GRIK4: variants seen among roughly 807,000 people sequenced by gnomAD.
GRIK4 encodes glutamate receptor ionotropic, kainate 4.
GRIK4 carries 40 observed loss-of-function variants against 104.9 expected under a neutral mutation model. The ratio of observed to expected loss-of-function variants is 0.38; its 90% CI spans 0.30 to 0.50. GRIK4 has a LOEUF of 0.50. Among genes scored for constraint, GRIK4 ranks in the 20% least tolerant of loss-of-function variants. The pLI is 0.93. For synonymous variants in GRIK4, 485 were observed against 524.9 expected (o/e 0.92, Z 1.04); for missense variants, 1,047 against 1,308.1 (o/e 0.80, Z 3.08).
At chr11:120,672,054 A>C (rs1950027237) in intron 3 of GRIK4, among the ~76,000 whole-genome samples, 1 of 152,200 alleles carries the variant, frequency 6.6e-6, no homozygotes. Context: ...GAAGTCACAT[A>C]GTGTGATGCC....
In GRIK4 at chr11:120,956,753, C is replaced by T. The variant is rs1449400212; in HGVS notation, c.1701-27C>T. 1 of 1,491,598 alleles carries T rather than the reference C, an allele frequency of 6.7e-7. No homozygotes were observed. The allele number at this position is 1,491,598 out of a possible 1,614,324, so 92.4% of individuals were successfully genotyped here. ...CCCTTCACACCCCGCCTCTGTGGCA[C>T]TAGTGTATGTTCCTTTTCTCCCACA... is the stretch of plus-strand genomic sequence containing the variant. On this transcript the variant is annotated intron_variant, in intron 15 of 20. Coordinates refer to ENST00000527524, the MANE Select transcript of GRIK4 (RefSeq NM_014619.5). The surrounding 1 kb of genome is among the most constrained non-coding windows in gnomAD (Gnocchi z 4.6).
chr11:120,722,662 A>T (rs1315110815), intron 3 of GRIK4, among the ~76,000 whole-genome samples: 2 of 151,956 alleles, frequency 1.3e-5, no homozygotes, highest in Non-Finnish European at 2.9e-5. Context: ...ATCTTGATGC[A>T]GTCTGGAAGG....
chr11:120,663,760 ATCT>A (rs1410542358), intron 3 of GRIK4, among the ~76,000 whole-genome samples: 1 of 151,944 alleles, frequency 6.6e-6, no homozygotes, highest in Non-Finnish European at 1.5e-5. Flanking sequence ...CTCCCGTTTC[ATCT>A]TCTCTGCCTG....
chr11:120,641,835 G>A (rs1949475376), intron 1 of GRIK4, among the ~76,000 whole-genome samples: 1 of 152,220 alleles, frequency 6.6e-6, no homozygotes, highest in South Asian at 2.1e-4. Flanking sequence ...ATGCAGCCCA[G>A]TAGGTCTCAG....
At position 120,832,058 on chromosome 11, in the gene GRIK4, C is replaced by T. The variant is rs750126115; in HGVS notation, c.690+28C>T. On this transcript the variant is annotated intron_variant, in intron 7 of 20. Coordinates refer to ENST00000527524, the MANE Select transcript of GRIK4 (RefSeq NM_014619.5). ...GGGAGCCTCCCTCTCTCCCCCACCC[C>T]CTGCTGAGCTCCACCCTCCCCCCTC... 4.6e-6 allele frequency: 7 copies of T among 1,527,102 alleles called. No homozygotes were observed. The East Asian group carries it at 6.9e-5, about 15-fold the overall frequency. 94.6% of individuals were successfully genotyped at this position (1,527,102 alleles called of 1,614,324 possible).
rs1436337826 is a variant in GRIK4, at chr11:120,889,588, CATTTTTTT to C, written c.1165-8943_1165-8936del. ...AATAGAATAAAATAGAAAGAGCTTA[CATTTTTTT>C]TTTTTTTTTTTTTTTTTTTTTTTAT... On this transcript the variant is annotated intron_variant, in intron 11 of 20. Transcript: ENST00000527524. 1.4e-3 allele frequency among the ~76,000 whole-genome samples: 96 copies of C among 67,144 alleles called. 5 individuals are homozygous for C. Among genetic ancestry groups the C allele is most frequent in the African/African-American group, 4.4e-3 (83 of 18,862 alleles). 44.0% of individuals were successfully genotyped at this position (67,144 alleles called of 152,430 possible).
chr11:120,572,278 G>A (rs1276109106), intron 1 of GRIK4, among the ~76,000 whole-genome samples: 2 of 152,272 alleles, frequency 1.3e-5, no homozygotes, highest in Admixed American at 1.3e-4. Flanking sequence ...GGGGTAAGAC[G>A]TTCAACACCG....
At chr11:120,750,570 T>C (rs1951532642) in intron 3 of GRIK4, among the ~76,000 whole-genome samples, 3 of 152,084 alleles carry the variant, frequency 2.0e-5, no homozygotes, top group Non-Finnish European at 4.4e-5. Context: ...GGTTTTGCCA[T>C]GTTGGCCAGG....
chr11:120,668,093 A>AGGTAGATG lies in GRIK4; in HGVS notation c.82+7694_82+7695insGTAGATGG, dbSNP rs1462502224. Among the ~76,000 whole-genome samples, 456 of 142,380 alleles carry AGGTAGATG rather than the reference A, an allele frequency of 3.2e-3. 4 individuals are homozygous for AGGTAGATG. Among genetic ancestry groups the AGGTAGATG allele is most frequent in the African/African-American group, 0.011 (430 of 37,772 alleles). 93.4% of individuals were successfully genotyped at this position (142,380 alleles called of 152,430 possible). A position where few individuals can be genotyped will look rare whatever the true frequency, so the allele number is the denominator to read the frequency against. Reference sequence around the variant, plus strand: ...GTGAGACCCTGTCTCATAGATGGATAGATAGATGGATAGATAGATAGATAG... The same window carrying AGGTAGATG: ...GTGAGACCCTGTCTCATAGATGGATAGGTAGATGGATAGATGGATAGATAGATAGATAG... On this transcript the variant is annotated intron_variant, in intron 3 of 20. Transcript: ENST00000527524.
At chr11:120,913,100 T>C (rs866174376) in intron 13 of GRIK4, among the ~76,000 whole-genome samples, 7 of 152,186 alleles carry the variant, frequency 4.6e-5, no homozygotes, top group African/African-American at 1.7e-4. Context: ...GGTATTATTA[T>C]CCCCATTTTA....
At chr11:120,934,359 A>C (rs1027446129) in intron 13 of GRIK4, among the ~76,000 whole-genome samples, 1 of 152,108 alleles carries the variant, frequency 6.6e-6, no homozygotes, top group Non-Finnish European at 1.5e-5. Flanking sequence ...ATGCTCCCAG[A>C]TCTGGTATTG....
chr11:120,742,410 A>C (rs1194634494), intron 3 of GRIK4, among the ~76,000 whole-genome samples: 1 of 151,880 alleles, frequency 6.6e-6, no homozygotes, highest in Non-Finnish European at 1.5e-5. Context: ...ACATGCAGCC[A>C]ACAAGCATAT....
intron 1 of GRIK4, among the ~76,000 whole-genome samples, chr11:120,537,922 G>A (rs1481700215): frequency 2.6e-5 from 4 of 152,012 alleles, no homozygotes; most frequent in African/African-American, 9.7e-5. Context: ...GACCTAGAGT[G>A]GAGGGCAGGG....
intron 1 of GRIK4, among the ~76,000 whole-genome samples, chr11:120,596,817 T>G (rs557558757): frequency 1.3e-5 from 2 of 151,974 alleles, no homozygotes; most frequent in East Asian, 3.9e-4. Flanking sequence ...CTCCGCCTCC[T>G]GGGTTCAAGT....
chr11:120,863,783 G>A (rs957974584), intron 9 of GRIK4, among the ~76,000 whole-genome samples: 12 of 152,192 alleles, frequency 7.9e-5, no homozygotes, highest in Non-Finnish European at 1.8e-4. Context: ...GGTGGCCTGC[G>A]GAAGCCAGGG....
chr11:120,554,988 C>T (rs926871919), intron 1 of GRIK4, among the ~76,000 whole-genome samples: 4 of 152,126 alleles, frequency 2.6e-5, no homozygotes, highest in African/African-American at 4.8e-5. Context: ...AGAGGGAGAC[C>T]GCAACCACAC....
intron 3 of GRIK4, among the ~76,000 whole-genome samples, chr11:120,728,953 C>T (rs1279605009): frequency 6.6e-6 from 1 of 152,202 alleles, no homozygotes; most frequent in African/African-American, 2.4e-5. Context: ...CTTCTACTCT[C>T]TTTCTCCATG....
At chr11:120,778,794 A>G (rs1288268981) in intron 3 of GRIK4, among the ~76,000 whole-genome samples, 1 of 152,168 alleles carries the variant, frequency 6.6e-6, no homozygotes, top group Non-Finnish European at 1.5e-5. Flanking sequence ...CTCTTTCTGC[A>G]TTCTTAGAAC....
chr11:120,640,622 C>G (rs17124122), intron 1 of GRIK4, among the ~76,000 whole-genome samples: 5,467 of 152,220 alleles, frequency 0.036, 324 homozygotes, highest in African/African-American at 0.12. Context: ...TGCCATGTAA[C>G]TTTCTTTTAA....
Sources: gnomAD v4.1 joint callset for allele counts (sites outside exome capture counted in the v4.1 genomes callset) on GRCh38, gnomAD v4.1.1 for gene constraint, Gnocchi (gnomAD v3.1) non-coding constraint, MANE v1.5 for transcripts, NCBI Gene and HGNC (gene_info 2026-07-23, HGNC 2026-07-21) for gene names.